The following AIG1 variants were observed in gnomAD, a reference collection of about 807,000 sequenced individuals.
AIG1 encodes androgen induced 1, also known as androgen-induced gene 1 protein.
AIG1 carries 23 observed loss-of-function variants against 31.4 expected under a neutral mutation model. The observed-to-expected ratio is 0.73, with a 90% CI of 0.53 to 1.04. AIG1 has a LOEUF of 1.04. AIG1 is among the 50% of genes least tolerant of loss of function. The pLI, the probability that AIG1 is intolerant of heterozygous loss-of-function variation, is 0.00. For synonymous variants in AIG1, 100 were observed against 110.5 expected, an observed-to-expected ratio of 0.90 and a Z score of 0.60; for missense variants, 274 against 295.0, an observed-to-expected ratio of 0.93 and a Z score of 0.52.
At chr6:143,187,995 A>G in intron 3 of AIG1, 1 of 1,152,528 alleles carries the variant, frequency 8.7e-7, no homozygotes, top group Non-Finnish European at 1.1e-6. Flanking sequence ...AAATTAGGTA[A>G]TGGAGAACTT....
At chr6:143,059,745 C>T (rs1261464789), upstream of AIG1, among the ~76,000 whole-genome samples, 1 of 152,220 alleles carries the variant, frequency 6.6e-6, no homozygotes, top group Non-Finnish European at 1.5e-5. Context: ...CCTCCCTCCA[C>T]ATCCTCTGAC....
intron 3 of AIG1, among the ~76,000 whole-genome samples, chr6:143,228,952 T>C (rs530929098): frequency 6.6e-6 from 1 of 152,346 alleles, no homozygotes; most frequent in Non-Finnish European, 1.5e-5. Flanking sequence ...GAAGGATGCC[T>C]GGCTAAGATC....
chr6:143,128,693 T>A (rs1391702831), intron 1 of AIG1, among the ~76,000 whole-genome samples: 1 of 152,258 alleles, frequency 6.6e-6, no homozygotes, highest in Non-Finnish European at 1.5e-5. Flanking sequence ...AATTTTAAGT[T>A]GCAGTGGTCA....
At chr6:143,112,532 G>A in intron 1 of AIG1, among the ~76,000 whole-genome samples, 1 of 152,146 alleles carries the variant, frequency 6.6e-6, no homozygotes, top group Non-Finnish European at 1.5e-5. Flanking sequence ...CATTATCCCT[G>A]CCTATGAGGC....
rs566667105 is a variant in AIG1 at position 143,281,505 on chromosome 6, A to G, written c.400-2605A>G. Among the ~76,000 whole-genome samples the G allele has an allele frequency of 1.7e-4, 26 of 152,292 alleles. No individual in the cohort carries two copies. The South Asian group carries it at 5.2e-3, about 30-fold the overall frequency. The stretch of plus-strand genomic sequence containing the variant: ...TGAGAATGGGTTGGAACTGGATTTC[A>G]TGTAGCTGTAGTTCTAAAATAATTA... On this transcript the variant is annotated intron_variant, in intron 3 of 5. Transcript: ENST00000357847.
downstream of AIG1, chr6:143,342,165 C>A: frequency 3.5e-6 from 2 of 564,984 alleles, no homozygotes; most frequent in Non-Finnish European, 6.5e-6. Context: ...CTTAGGTGAT[C>A]ACCCGCCTTG....
intron 1 of AIG1, among the ~76,000 whole-genome samples, chr6:143,130,790 TG>T (rs201141793): frequency 0.01 from 1,530 of 152,244 alleles, 7 homozygotes; most frequent in Middle Eastern, 0.027. Context: ...TGTGCATCAT[TG>T]GGGTTTGTTG....
At chr6:143,337,151 G>A (rs1484272622) in intron 5 of AIG1, among the ~76,000 whole-genome samples, 1 of 152,164 alleles carries the variant, frequency 6.6e-6, no homozygotes, top group Non-Finnish European at 1.5e-5. Flanking sequence ...GGAGCCAGTC[G>A]CTGAACCATC....
At chr6:143,272,170 T>C (rs978161049) in intron 3 of AIG1, among the ~76,000 whole-genome samples, 2 of 152,180 alleles carry the variant, frequency 1.3e-5, no homozygotes, top group Non-Finnish European at 2.9e-5. Context: ...AGTGCCATCA[T>C]GTAGGTATGC....
intron 1 of AIG1, among the ~76,000 whole-genome samples, chr6:143,075,024 G>A (rs1777606951): frequency 6.6e-6 from 1 of 152,082 alleles, no homozygotes; most frequent in South Asian, 2.1e-4. Context: ...TCAAAATGTA[G>A]GACTATTAAT....
At chr6:143,076,626 T>G (rs760720441) in intron 1 of AIG1, among the ~76,000 whole-genome samples, 11 of 152,124 alleles carry the variant, frequency 7.2e-5, no homozygotes, top group Non-Finnish European at 1.5e-4. Context: ...TATTATCCTT[T>G]TTTTGTTCCC....
chr6:143,333,972 G>C lies in AIG1; in HGVS notation c.679+527G>C. ...GACTCACCAGTGGCTGTCACGGAAA[G>C]TCTGAAAGTGGCAAAGAGCTACAAG... On this transcript the variant is annotated intron_variant, in intron 5 of 5. Transcript: ENST00000357847. The surrounding 1 kb of genome is among the most constrained non-coding windows in gnomAD (Gnocchi z 4.6). The C allele has an allele frequency of 7.9e-7, 1 of 1,267,382 alleles. No individual in the cohort carries two copies. 78.5% of individuals were successfully genotyped at this position (1,267,382 alleles called of 1,614,324 possible).
intron 1 of AIG1, among the ~76,000 whole-genome samples, chr6:143,108,862 C>T (rs897307848): frequency 2.6e-5 from 4 of 152,112 alleles, no homozygotes; most frequent in Non-Finnish European, 4.4e-5. Flanking sequence ...ACCAGGTATA[C>T]GGAGAAGTCT....
rs561593539 is a variant in AIG1, at chr6:143,225,563, T to G, written c.400-58547T>G. ...TAGGAGATTGAAGTCTTTACTATTA[T>G]TGACAGTAAAGATTCTAAAACTACA... On this transcript the variant is annotated intron_variant, in intron 3 of 5. Coordinates refer to ENST00000357847, the MANE Select transcript of AIG1 (RefSeq NM_016108.4). 2.0e-5 allele frequency among the ~76,000 whole-genome samples: 3 copies of G among 152,370 alleles called. No homozygotes were observed. In the South Asian group the frequency reaches 6.2e-4, roughly 32 times the overall value.
intron 2 of AIG1, among the ~76,000 whole-genome samples, chr6:143,149,418 T>G (rs1784988116): frequency 6.7e-6 from 1 of 149,506 alleles, no homozygotes; most frequent in Non-Finnish European, 1.5e-5. Context: ...TCCCAGCTAC[T>G]AGGGAGGCTG....
At chr6:143,185,099 G>C (rs1485172327) in intron 3 of AIG1, among the ~76,000 whole-genome samples, 1 of 152,018 alleles carries the variant, frequency 6.6e-6, no homozygotes, top group Non-Finnish European at 1.5e-5. Flanking sequence ...GGGAGGCTGA[G>C]GCAGGATGCT....
At chr6:143,217,636 G>A (rs977099969) in intron 3 of AIG1, among the ~76,000 whole-genome samples, 45 of 152,046 alleles carry the variant, frequency 3.0e-4, no homozygotes, top group Non-Finnish European at 4.6e-4. Flanking sequence ...AGCCTCCCAG[G>A]TAGCTGGGAT....
chr6:143,193,990 T>TA (rs1185440385), intron 3 of AIG1, among the ~76,000 whole-genome samples: 1 of 152,232 alleles, frequency 6.6e-6, no homozygotes, highest in Non-Finnish European at 1.5e-5. Flanking sequence ...AGATGAGAGA[T>TA]ACAAATTGCT....
intron 4 of AIG1, among the ~76,000 whole-genome samples, chr6:143,302,123 A>T (rs1228772213): frequency 6.6e-6 from 1 of 152,156 alleles, no homozygotes; most frequent in Non-Finnish European, 1.5e-5. Context: ...AAAGTACAAT[A>T]TAAAAACTAT....
Sources: allele counts gnomAD v4.1 joint callset (sites outside exome capture counted in the v4.1 genomes callset), GRCh38; gene constraint gnomAD v4.1.1; non-coding constraint Gnocchi (gnomAD v3.1); transcripts MANE v1.5; gene names NCBI Gene and HGNC (gene_info 2026-07-23, HGNC 2026-07-21).